CABLES1: variants seen among roughly 807,000 people sequenced by gnomAD.
CABLES1 encodes Cdk5 and Abl enzyme substrate 1.
Under a neutral mutation model 57.8 loss-of-function variants are expected in CABLES1, and 36 were observed. The ratio of observed to expected loss-of-function variants is 0.62; its 90% CI spans 0.48 to 0.82. The LOEUF is 0.82. Ranked by LOEUF, CABLES1 falls within the 40% of genes least tolerant of loss-of-function variation. The pLI, the probability that CABLES1 is intolerant of heterozygous loss-of-function variation, is 0.00. For synonymous variants in CABLES1, 374 were observed against 363.0 expected, an observed-to-expected ratio of 1.03 and a Z score of -0.35; for missense variants, 767 against 836.6, an observed-to-expected ratio of 0.92 and a Z score of 1.03.
chr18:23,188,773 G>T, intron 1 of CABLES1, 65 bp from the exon 2 acceptor site: 1 of 1,149,226 alleles, frequency 8.7e-7, no homozygotes, highest in Non-Finnish European at 1.3e-6. Context: ...TTTTAGATTT[G>T]CACAAATGTC....
intron 9 of CABLES1, 58 bp from the exon 10 acceptor site, chr18:23,257,169 G>T: frequency 6.3e-7 from 1 of 1,590,878 alleles, no homozygotes; most frequent in Non-Finnish European, 8.5e-7. Flanking sequence ...TGCAATTGCA[G>T]AAAGACTAGG....
chr18:23,150,151 G>A (rs999898901), intron 1 of CABLES1, among the ~76,000 whole-genome samples: 30 of 150,636 alleles, frequency 2.0e-4, no homozygotes, highest in Admixed American at 1.8e-3. Flanking sequence ...TCCCTCATCT[G>A]TGTCCTAAAG....
rs55888102 is a variant in CABLES1 at position 23,188,543 on chromosome 18, T to TTGTGTGTGTGTGTGTGTGTGTGTGTG, written c.846-272_846-271insGTGTGTGTGTGTGTGTGTGTGTGTGT. On this transcript the variant is annotated intron_variant, in intron 1 of 9. Transcript: ENST00000256925. ...GTATATTACAAGAGGCACCTTGTCT[T>TTGTGTGTGTGTGTGTGTGTGTGTGTG]TGTGTGTGTGTGTGTGTGTGTGTCC... is the stretch of plus-strand genomic sequence containing the variant. Among the ~76,000 whole-genome samples the TTGTGTGTGTGTGTGTGTGTGTGTGTG allele has an allele frequency of 2.4e-3, 358 of 149,050 alleles. 1 individual carries two copies. The highest frequency in any genetic ancestry group is 8.4e-3 in the African/African-American group (341 of 40,694).
chr18:23,138,886 G>A (rs1184161917), intron 1 of CABLES1, among the ~76,000 whole-genome samples: 1 of 152,160 alleles, frequency 6.6e-6, no homozygotes, highest in African/African-American at 2.4e-5. Context: ...GCTCCAGAAT[G>A]TGGGCTTTGC....
chr18:23,183,287 G>T (rs2145007818), intron 1 of CABLES1, among the ~76,000 whole-genome samples: 1 of 152,248 alleles, frequency 6.6e-6, no homozygotes, highest in Non-Finnish European at 1.5e-5. Context: ...CTTTCCTTAA[G>T]CTTTCAGGGT....
At chr18:23,223,211 T>A (rs933630003) in intron 4 of CABLES1, among the ~76,000 whole-genome samples, 1 of 152,190 alleles carries the variant, frequency 6.6e-6, no homozygotes, top group Non-Finnish European at 1.5e-5. Context: ...ACCAGCAGCA[T>A]GTGAGCAACA....
At chr18:23,248,508 A>G (rs1017052984) in intron 7 of CABLES1, among the ~76,000 whole-genome samples, 7 of 96,856 alleles carry the variant, frequency 7.2e-5, no homozygotes, top group South Asian at 3.0e-4. Context: ...GCAAGACCCT[A>G]TGTCTTTTTT....
At chr18:23,149,032 G>A (rs1044072920) in intron 1 of CABLES1, among the ~76,000 whole-genome samples, 8 of 152,152 alleles carry the variant, frequency 5.3e-5, no homozygotes, top group African/African-American at 1.9e-4. Context: ...TGGGACTTCA[G>A]GTGTGTGCCA....
intron 4 of CABLES1, among the ~76,000 whole-genome samples, chr18:23,222,527 T>G (rs1157172904): frequency 6.8e-6 from 1 of 147,778 alleles, no homozygotes; most frequent in East Asian, 2.0e-4. Flanking sequence ...TCTCTCTCTC[T>G]CTCTGTCTCT....
At chr18:23,172,223 T>C (rs2047087743) in intron 1 of CABLES1, among the ~76,000 whole-genome samples, 1 of 152,226 alleles carries the variant, frequency 6.6e-6, no homozygotes, top group Non-Finnish European at 1.5e-5. Flanking sequence ...GTGATGACAA[T>C]GACATCTTAA....
At chr18:23,233,337 C>T (rs1472669117) in intron 4 of CABLES1, among the ~76,000 whole-genome samples, 2 of 152,128 alleles carry the variant, frequency 1.3e-5, no homozygotes, top group African/African-American at 2.4e-5. Flanking sequence ...TACACCTGAG[C>T]ATAGGTCCAT....
intron 1 of CABLES1, among the ~76,000 whole-genome samples, chr18:23,181,732 A>G (rs1384647548): frequency 2.0e-5 from 3 of 152,102 alleles, no homozygotes; most frequent in African/African-American, 7.2e-5. Flanking sequence ...GGCCCCTCCC[A>G]AGCAGCTCAC....
intron 7 of CABLES1, among the ~76,000 whole-genome samples, chr18:23,248,241 C>CT (rs1255939456): frequency 6.6e-6 from 1 of 152,192 alleles, no homozygotes; most frequent in Non-Finnish European, 1.5e-5. Flanking sequence ...TCGTCAGTGC[C>CT]TTTATGGGGA....
In CABLES1 at chr18:23,259,343, C is replaced by CA. The variant is rs1297620323; in HGVS notation, c.*1976_*1977insA. 6 of 152,102 alleles carry CA rather than the reference C, an allele frequency of 3.9e-5. No individual in the cohort carries two copies. Among genetic ancestry groups the CA allele is most frequent in the Non-Finnish European group, 5.9e-5 (4 of 68,074 alleles). The allele number at this position is 152,102 out of a possible 1,614,324, so 9.4% of individuals were successfully genotyped here. ...CTGGGGAGTGGGGTGGGGGGAGGGA[C>CA]GTCCGATGGATGACAGGCCGCCAGC... On this transcript the variant is annotated 3_prime_UTR_variant, in exon 10 of 10. Transcript: ENST00000256925.
intron 4 of CABLES1, among the ~76,000 whole-genome samples, chr18:23,225,742 C>CG (rs1338181445): frequency 6.6e-6 from 1 of 152,252 alleles, no homozygotes; most frequent in African/African-American, 2.4e-5. Context: ...ACATTAGTCA[C>CG]GGCCTTCTCT....
chr18:23,208,883 TTC>T (rs1465873130), intron 3 of CABLES1, among the ~76,000 whole-genome samples: 1 of 152,238 alleles, frequency 6.6e-6, no homozygotes, highest in Non-Finnish European at 1.5e-5. Flanking sequence ...GCTGCATCAC[TTC>T]CATCTCTGTC....
chr18:23,212,739 G>A (rs138387688), intron 3 of CABLES1, among the ~76,000 whole-genome samples: 15 of 152,156 alleles, frequency 9.9e-5, no homozygotes, highest in African/African-American at 3.4e-4. Context: ...CCTCCTGGAC[G>A]TCTGAATGGG....
intron 4 of CABLES1, among the ~76,000 whole-genome samples, chr18:23,217,678 T>C (rs2047452045): frequency 6.6e-6 from 1 of 152,254 alleles, no homozygotes; most frequent in African/African-American, 2.4e-5. Context: ...CTAGTAAGTA[T>C]ATGCTAGTAA....
chr18:23,207,973 C>A (rs1244915083), intron 3 of CABLES1, among the ~76,000 whole-genome samples: 1 of 152,198 alleles, frequency 6.6e-6, no homozygotes, highest in Non-Finnish European at 1.5e-5. Flanking sequence ...CCATTTAACT[C>A]ATGCCCCCCA....
Sources: gnomAD v4.1 joint callset for allele counts (sites outside exome capture counted in the v4.1 genomes callset) on GRCh38, gnomAD v4.1.1 for gene constraint, MANE v1.5 for transcripts, NCBI Gene and HGNC (gene_info 2026-07-23, HGNC 2026-07-21) for gene names.